TSKS: variants seen among roughly 807,000 people sequenced by gnomAD.
The protein encoded by TSKS is testis specific serine kinase substrate, also known as testis-specific serine kinase substrate.
Under a neutral mutation model 68.0 loss-of-function variants are expected in TSKS, and 27 were observed. That is an observed-to-expected ratio of 0.40 (90% CI 0.29 to 0.55). TSKS has a LOEUF of 0.55. Ranked by LOEUF, TSKS falls within the 20% of genes least tolerant of loss-of-function variation. The probability of loss-of-function intolerance (pLI) is 0.53; values close to 1 mark genes in which losing one functional copy is unlikely to be tolerated. For missense variants in TSKS, 806 were observed against 776.0 expected (o/e 1.04, Z -0.46); for synonymous variants, 331 against 340.4 (o/e 0.97, Z 0.30).
chr19:49,761,479 C>T (rs2084439759), intron 2 of TSKS, among the ~76,000 whole-genome samples: 1 of 152,188 alleles, frequency 6.6e-6, no homozygotes, highest in South Asian at 2.1e-4. Flanking sequence ...CATCCTCCTC[C>T]AGGAAGCTTT....
rs2084305407 is a variant in TSKS at position 49,746,717 on chromosome 19, TCTC to T, written c.742_744del (p.Glu248del). 7.0e-7 allele frequency: 1 copy of T among 1,419,876 alleles called. No individual in the cohort carries two copies. The highest frequency in any genetic ancestry group is 9.6e-7 in the Non-Finnish European group (1 of 1,042,690). 88.0% of individuals were successfully genotyped at this position (1,419,876 alleles called of 1,614,324 possible). A position where few individuals can be genotyped will look rare whatever the true frequency, so the allele number is the denominator to read the frequency against. ...TCCTGCTTCTCCTCCGGCTCCTGCTTCTCCTCCGGCTCCTGCAGCTCGGCCTCC... is the reference window on the plus strand; with the variant it reads ...TCCTGCTTCTCCTCCGGCTCCTGCTTCTCCGGCTCCTGCAGCTCGGCCTCC... On this transcript the variant is annotated inframe_deletion, in exon 6 of 11. Coordinates refer to ENST00000246801, the MANE Select transcript of TSKS (RefSeq NM_021733.2).
chr19:49,754,162 A>G (rs2084374884), intron 2 of TSKS, among the ~76,000 whole-genome samples: 1 of 150,976 alleles, frequency 6.6e-6, no homozygotes, highest in Admixed American at 6.6e-5. Flanking sequence ...CTGAGATTAC[A>G]GGCGTGAGCC....
rs746682294 is a variant in TSKS, at chr19:49,746,726, G to T, written c.736C>A (p.Pro246Thr). Reference sequence around the variant, plus strand: ...TCCTCCGGCTCCTGCTTCTCCTCCGGCTCCTGCAGCTCGGCCTCCTGCCGT... The same window carrying T: ...TCCTCCGGCTCCTGCTTCTCCTCCGTCTCCTGCAGCTCGGCCTCCTGCCGT... ...PRRQEAELQE[P>T]EEKQEPEEKQ... Residue 246 changes from proline (P) to threonine (T), a missense_variant, in exon 6 of 11, where the codon CCG becomes ACG. Pro to Thr is a conservative substitution (Grantham distance 38). Coordinates refer to ENST00000246801, the MANE Select transcript of TSKS (RefSeq NM_021733.2). 2 of 1,569,820 alleles carry T rather than the reference G, an allele frequency of 1.3e-6. No individual in the cohort carries two copies. Among genetic ancestry groups the T allele is most frequent in the South Asian group, 1.1e-5 (1 of 90,176 alleles).
intron 5 of TSKS, 123 bp from the exon 6 acceptor site, chr19:49,746,921 G>T: frequency 6.7e-7 from 1 of 1,486,934 alleles, no homozygotes; most frequent in Non-Finnish European, 9.0e-7. Context: ...GGGACAGTAT[G>T]TTGGAAGTCT....
chr19:49,755,864 G>A (rs914717674), intron 2 of TSKS, among the ~76,000 whole-genome samples: 20 of 151,952 alleles, frequency 1.3e-4, no homozygotes, highest in South Asian at 2.1e-4. Flanking sequence ...AGCCTGGCGC[G>A]GTGGTAGGCA....
chr19:49,742,011 C>A lies in TSKS; in HGVS notation c.1371G>T (p.Ser457=), dbSNP rs201242813. The A allele has an allele frequency of 5.0e-6, 8 of 1,613,930 alleles. No homozygotes were observed. The East Asian group carries it at 1.8e-4, about 36-fold the overall frequency. The change falls in exon 9 of 11, where the codon TCG becomes TCT. Residue 457 remains serine (S), a synonymous_variant. Coordinates refer to ENST00000246801, the MANE Select transcript of TSKS (RefSeq NM_021733.2). ...GCTGCAGGGACTCCGTAGACAACTG[C>A]GACCCCTGGCTGGGGGAGGGGCGGT... ...GNCARCASQG[S]QLSTESLQQL...
chr19:49,747,553 A>C (rs1411508503), intron 4 of TSKS, 81 bp from the exon 5 acceptor site: 1 of 1,419,762 alleles, frequency 7.0e-7, no homozygotes, highest in African/African-American at 1.4e-5. Context: ...GTTTCCATCC[A>C]GGCTCCAGGC....
chr19:49,756,332 G>T (rs2084392097), intron 2 of TSKS, among the ~76,000 whole-genome samples: 2 of 152,000 alleles, frequency 1.3e-5, no homozygotes, highest in Admixed American at 1.3e-4. Context: ...AGTGGCATGT[G>T]CTTGTGGTCT....
intron 2 of TSKS, among the ~76,000 whole-genome samples, chr19:49,761,743 C>T (rs550496713): frequency 5.9e-4 from 90 of 152,080 alleles, no homozygotes; most frequent in African/African-American, 2.0e-3. Flanking sequence ...GTGGGAGGAT[C>T]ACTTGAGCCC....
chr19:49,757,954 G>A (rs184905196), intron 2 of TSKS, among the ~76,000 whole-genome samples: 54 of 146,836 alleles, frequency 3.7e-4, no homozygotes, highest in Admixed American at 3.3e-3. Flanking sequence ...GCAGTGGCAC[G>A]ATCTCGGCTC....
chr19:49,759,682 T>A (rs2084424380), intron 2 of TSKS, among the ~76,000 whole-genome samples: 1 of 145,218 alleles, frequency 6.9e-6, no homozygotes, highest in South Asian at 2.2e-4. Flanking sequence ...AGAAAAAAAT[T>A]TGTTTAGCTG....
chr19:49,741,477 C>T (rs147258983), intron 9 of TSKS, among the ~76,000 whole-genome samples: 1 of 152,254 alleles, frequency 6.6e-6, no homozygotes, highest in East Asian at 1.9e-4. Context: ...TAACTGGGGC[C>T]TACAGTCACT....
At chr19:49,761,952 A>AC in intron 2 of TSKS, 52 bp downstream of exon 2, 1 of 1,483,988 alleles carries the variant, frequency 6.7e-7, no homozygotes, top group East Asian at 2.3e-5. Flanking sequence ...ATTTGCTACC[A>AC]CCTTGTGGAG....
chr19:49,757,375 T>C (rs1347472473), intron 2 of TSKS, among the ~76,000 whole-genome samples: 1 of 152,132 alleles, frequency 6.6e-6, no homozygotes, highest in Non-Finnish European at 1.5e-5. Flanking sequence ...CCAAGTTTGT[T>C]GTTTGAAGTT....
At position 49,744,170 on chromosome 19, in the gene TSKS, T is replaced by G. The variant is rs1279171878; in HGVS notation, c.1361+61A>C. ...CACCCTTCACTAATGTCCCATCTCC[T>G]TCCGCATCTCCTTTAATGTCCTATC... is the stretch of plus-strand genomic sequence containing the variant. On this transcript the variant is annotated intron_variant, in intron 8 of 10. Coordinates refer to ENST00000246801, the MANE Select transcript of TSKS (RefSeq NM_021733.2). The G allele has an allele frequency of 2.6e-6, 4 of 1,552,908 alleles. No homozygotes were observed. In the East Asian group the frequency reaches 9.1e-5, roughly 35 times the overall value.
chr19:49,749,991 G>A (rs1031976417), intron 2 of TSKS, among the ~76,000 whole-genome samples: 1 of 151,432 alleles, frequency 6.6e-6, no homozygotes, highest in African/African-American at 2.4e-5. Flanking sequence ...GTCAATTTCT[G>A]AGTCATCCCT....
chr19:49,762,425 C>CTTTT (rs34463626), intron 1 of TSKS, among the ~76,000 whole-genome samples, 193 bp from the exon 2 acceptor site: 12 of 127,202 alleles, frequency 9.4e-5, no homozygotes, highest in Non-Finnish European at 1.4e-4. Context: ...TTCTTTCTTT[C>CTTTT]TTTTTTTTTT....
intron 8 of TSKS, among the ~76,000 whole-genome samples, chr19:49,743,867 C>T (rs1445702834): frequency 1.3e-5 from 2 of 151,622 alleles, no homozygotes; most frequent in East Asian, 3.9e-4. Context: ...CCACCACGCC[C>T]AGCTAATTTT....
chr19:49,741,807 C>T (rs945636562), intron 9 of TSKS, 78 bp downstream of exon 9: 2 of 1,597,150 alleles, frequency 1.3e-6, no homozygotes, highest in African/African-American at 1.3e-5. Context: ...ACCAGCAGTA[C>T]CCTTGAGTCC....
Sources: allele counts gnomAD v4.1 joint callset (sites outside exome capture counted in the v4.1 genomes callset), GRCh38; gene constraint gnomAD v4.1.1; transcripts MANE v1.5; gene names NCBI Gene and HGNC (gene_info 2026-07-23, HGNC 2026-07-21).